The following GPC5 variants were observed in gnomAD, a reference collection of about 807,000 sequenced individuals.
GPC5 encodes the protein glypican 5.
A neutral mutation model predicts 53.9 loss-of-function variants in GPC5; 47 were observed. The ratio of observed to expected loss-of-function variants is 0.87; its 90% CI spans 0.69 to 1.11. The LOEUF (loss-of-function observed/expected upper bound fraction) is 1.11. Ranked by LOEUF, GPC5 falls within the 50% of genes most tolerant of loss-of-function variation. GPC5 has a pLI of 0.00. For synonymous variants in GPC5, 286 were observed against 263.3 expected (o/e 1.09, Z -0.84); for missense variants, 748 against 713.1 (o/e 1.05, Z -0.56).
At chr13:92,801,804 A>G (rs1382415737) in intron 7 of GPC5, among the ~76,000 whole-genome samples, 1 of 151,804 alleles carries the variant, frequency 6.6e-6, no homozygotes, top group Non-Finnish European at 1.5e-5. Context: ...ATATTAATAG[A>G]AAAAATTTCA....
intron 6 of GPC5, among the ~76,000 whole-genome samples, chr13:92,060,152 A>T (rs1013797044): frequency 6.6e-6 from 1 of 151,732 alleles, no homozygotes; most frequent in African/African-American, 2.4e-5. Context: ...TTTGTTATTT[A>T]TTGCTCTTTA....
intron 7 of GPC5, among the ~76,000 whole-genome samples, chr13:92,274,377 T>C (rs1221658671): frequency 6.6e-6 from 1 of 152,152 alleles, no homozygotes; most frequent in Non-Finnish European, 1.5e-5. Context: ...TTTCATTTGT[T>C]GTGTCCTTTT....
intron 7 of GPC5, among the ~76,000 whole-genome samples, chr13:92,620,082 A>C (rs1001578561): frequency 1.3e-5 from 2 of 152,086 alleles, no homozygotes; most frequent in African/African-American, 4.8e-5. Flanking sequence ...TTAGAGGATG[A>C]ACAATGATCA....
At chr13:91,591,420 G>T (rs2032794374) in intron 2 of GPC5, among the ~76,000 whole-genome samples, 1 of 152,128 alleles carries the variant, frequency 6.6e-6, no homozygotes, top group South Asian at 2.1e-4. Context: ...TGCCTTGGGA[G>T]TGGTCATCTT....
At chr13:92,041,975 A>G (rs1202464384) in intron 6 of GPC5, among the ~76,000 whole-genome samples, 1 of 152,170 alleles carries the variant, frequency 6.6e-6, no homozygotes, top group African/African-American at 2.4e-5. Context: ...CCTCCCTCTG[A>G]TAAGGGCGTC....
chr13:92,721,576 T>C (rs765232805), intron 7 of GPC5: 2 of 152,042 alleles, frequency 1.3e-5, no homozygotes, highest in Non-Finnish European at 2.9e-5. Context: ...ACGGCAACCT[T>C]TGTTGAAGTG....
intron 2 of GPC5, among the ~76,000 whole-genome samples, chr13:91,581,233 T>C (rs1482296583): frequency 3.3e-5 from 5 of 152,186 alleles, no homozygotes; most frequent in South Asian, 4.1e-4. Flanking sequence ...GTTTTTACTA[T>C]GTAGTATATA....
chr13:91,681,578 T>C lies in GPC5; in HGVS notation c.326-11609T>C, dbSNP rs185474068. On this transcript the variant is annotated intron_variant, in intron 2 of 7. Coordinates refer to ENST00000377067, the MANE Select transcript of GPC5 (RefSeq NM_004466.6). The stretch of plus-strand genomic sequence containing the variant: ...CTTGTTCTAACTAAATAGTAGTTTA[T>C]TTTCTCCTATATTATCTTTTGACAT... 1.8e-3 allele frequency among the ~76,000 whole-genome samples: 270 copies of C among 152,342 alleles called. 1 individual carries two copies. Among genetic ancestry groups the C allele is most frequent in the African/African-American group, 6.2e-3 (258 of 41,586 alleles).
intron 5 of GPC5, among the ~76,000 whole-genome samples, chr13:91,900,332 A>G (rs891423473): frequency 3.9e-5 from 6 of 152,094 alleles, no homozygotes; most frequent in Admixed American, 1.3e-4. Context: ...ATTTACTTTC[A>G]TATGTTGGTA....
chr13:92,806,053 C>T (rs1877088832), intron 7 of GPC5, among the ~76,000 whole-genome samples: 1 of 152,008 alleles, frequency 6.6e-6, no homozygotes, highest in African/African-American at 2.4e-5. Flanking sequence ...CATCTTCTTC[C>T]AGTAGAAGGC....
chr13:92,129,984 A>G (rs1403143327), intron 6 of GPC5, among the ~76,000 whole-genome samples: 1 of 152,128 alleles, frequency 6.6e-6, no homozygotes, highest in Non-Finnish European at 1.5e-5. Context: ...AACAAAACCT[A>G]AGGAACATAA....
intron 5 of GPC5, among the ~76,000 whole-genome samples, chr13:91,785,874 T>A (rs2037869283): frequency 6.6e-6 from 1 of 152,204 alleles, no homozygotes; most frequent in Non-Finnish European, 1.5e-5. Flanking sequence ...ATGCTGAGAT[T>A]CCATTAATTC....
intron 2 of GPC5, among the ~76,000 whole-genome samples, chr13:91,537,430 T>C (rs1407787273): frequency 1.3e-5 from 2 of 152,026 alleles, no homozygotes; most frequent in Non-Finnish European, 2.9e-5. Flanking sequence ...CATAAGTGGG[T>C]GAAACAAACA....
At chr13:92,500,608 A>G (rs950253563) in intron 7 of GPC5, among the ~76,000 whole-genome samples, 1 of 152,044 alleles carries the variant, frequency 6.6e-6, no homozygotes, top group African/African-American at 2.4e-5. Flanking sequence ...GCCTTCCAAG[A>G]TAGTTTATTT....
At chr13:91,930,069 G>T (rs1435420821) in intron 6 of GPC5, among the ~76,000 whole-genome samples, 2 of 152,012 alleles carry the variant, frequency 1.3e-5, no homozygotes, top group African/African-American at 4.8e-5. Context: ...TCAGGGCCCA[G>T]TAAGAAGTGA....
intron 7 of GPC5, among the ~76,000 whole-genome samples, chr13:92,370,772 A>G (rs1011607620): frequency 6.6e-6 from 1 of 152,164 alleles, no homozygotes; most frequent in Non-Finnish European, 1.5e-5. Flanking sequence ...TTATATGATT[A>G]GTTTATTATA....
At chr13:91,814,574 C>G (rs1284123675) in intron 5 of GPC5, among the ~76,000 whole-genome samples, 1 of 151,158 alleles carries the variant, frequency 6.6e-6, no homozygotes, top group Non-Finnish European at 1.5e-5. Flanking sequence ...GAGTTTCACT[C>G]TCGTCACCCA....
intron 4 of GPC5, among the ~76,000 whole-genome samples, chr13:91,742,990 T>C (rs1383891523): frequency 6.6e-6 from 1 of 152,174 alleles, no homozygotes. Context: ...TGTAGGCGCT[T>C]TGCCGAAGAG....
chr13:92,793,585 G>T (rs1876547693), intron 7 of GPC5, among the ~76,000 whole-genome samples: 1 of 151,966 alleles, frequency 6.6e-6, no homozygotes, highest in South Asian at 2.1e-4. Flanking sequence ...AAAAAACAAT[G>T]AATCCAGGAG....
Sources: allele counts gnomAD v4.1 joint callset (sites outside exome capture counted in the v4.1 genomes callset), GRCh38; gene constraint gnomAD v4.1.1; transcripts MANE v1.5; gene names NCBI Gene and HGNC (gene_info 2026-07-23, HGNC 2026-07-21).